The following HS3ST5 variants were observed in gnomAD, a reference collection of about 807,000 sequenced individuals.
HS3ST5 encodes heparan sulfate glucosamine 3-O-sulfotransferase 5.
HS3ST5 carries 10 observed loss-of-function variants against 25.4 expected under a neutral mutation model. The ratio of observed to expected loss-of-function variants is 0.39; its 90% confidence interval spans 0.24 to 0.67. HS3ST5 has a LOEUF of 0.67. Ranked by LOEUF, HS3ST5 falls within the 30% of genes least tolerant of loss-of-function variation. HS3ST5 has a pLI of 0.44. For missense variants in HS3ST5, 324 were observed against 420.7 expected (o/e 0.77, Z 2.01); for synonymous variants, 170 against 162.4 (o/e 1.05, Z -0.36).
At chr6:114,180,140 C>G (rs77925522) in intron 2 of HS3ST5, among the ~76,000 whole-genome samples, 111 of 152,212 alleles carry the variant, frequency 7.3e-4, no homozygotes, top group African/African-American at 2.6e-3. Flanking sequence ...TCTGGCAACA[C>G]CCAGAAACAC....
intron 1 of HS3ST5, among the ~76,000 whole-genome samples, chr6:114,273,034 G>A (rs990874889): frequency 1.5e-4 from 23 of 152,062 alleles, no homozygotes; most frequent in African/African-American, 5.1e-4. Context: ...GGAGTGACAC[G>A]ATTAAATTTA....
intron 3 of HS3ST5, among the ~76,000 whole-genome samples, chr6:114,068,579 G>A (rs544822777): frequency 4.6e-5 from 7 of 152,220 alleles, no homozygotes; most frequent in African/African-American, 1.4e-4. Flanking sequence ...TGATCCTTAC[G>A]GACAATGCTG....
chr6:114,066,484 T>C (rs1019839698), intron 3 of HS3ST5, among the ~76,000 whole-genome samples: 1 of 152,044 alleles, frequency 6.6e-6, no homozygotes, highest in African/African-American at 2.4e-5. Flanking sequence ...AATACAAAAA[T>C]TAGCCGGGCA....
intron 1 of HS3ST5, among the ~76,000 whole-genome samples, chr6:114,250,498 G>A (rs1007798609): frequency 1.3e-5 from 2 of 151,588 alleles, no homozygotes; most frequent in South Asian, 2.1e-4. Flanking sequence ...GGAGAATGGC[G>A]TGAACCTGGG....
intron 3 of HS3ST5, among the ~76,000 whole-genome samples, chr6:114,095,085 A>G (rs568121258): frequency 3.5e-4 from 54 of 152,336 alleles, no homozygotes; most frequent in African/African-American, 1.2e-3. Flanking sequence ...AGCCATGCCC[A>G]AACTCATGCC....
At chr6:114,273,889 C>G (rs1188573657) in intron 1 of HS3ST5, among the ~76,000 whole-genome samples, 1 of 151,766 alleles carries the variant, frequency 6.6e-6, no homozygotes, top group Non-Finnish European at 1.5e-5. Flanking sequence ...AAGTTCTACT[C>G]TAAAAGGCAA....
At chr6:114,130,715 G>A (rs1777286078) in intron 3 of HS3ST5, among the ~76,000 whole-genome samples, 2 of 152,016 alleles carry the variant, frequency 1.3e-5, no homozygotes, top group Admixed American at 1.3e-4. Flanking sequence ...GACTACAGGC[G>A]CCTGCCACCA....
chr6:114,307,425 C>G (rs1775343512), intron 1 of HS3ST5, among the ~76,000 whole-genome samples: 1 of 149,316 alleles, frequency 6.7e-6, no homozygotes, highest in African/African-American at 2.5e-5. Flanking sequence ...AGGATAAAAC[C>G]TAGTTTTTTT....
At chr6:114,202,424 A>ACCCCC in intron 2 of HS3ST5, among the ~76,000 whole-genome samples, 1 of 152,164 alleles carries the variant, frequency 6.6e-6, no homozygotes, top group Non-Finnish European at 1.5e-5. Flanking sequence ...CCTCTAAAAT[A>ACCCCC]TAAGTACCAT....
chr6:114,109,893 A>C (rs894066977), intron 3 of HS3ST5, among the ~76,000 whole-genome samples: 4 of 152,222 alleles, frequency 2.6e-5, no homozygotes, highest in Admixed American at 1.3e-4. Flanking sequence ...CTTTGCCTTC[A>C]TGGTGCTTAC....
At chr6:114,094,326 G>A (rs1444386037) in intron 3 of HS3ST5, among the ~76,000 whole-genome samples, 1 of 152,212 alleles carries the variant, frequency 6.6e-6, no homozygotes. Context: ...AAACTTCACA[G>A]TGGATAGGAA....
chr6:114,144,122 A>C (rs1778040057), intron 3 of HS3ST5, among the ~76,000 whole-genome samples: 1 of 152,166 alleles, frequency 6.6e-6, no homozygotes, highest in South Asian at 2.1e-4. Context: ...TGTGTTCACC[A>C]CTCTACTCTG....
chr6:114,085,633 G>T (rs903425932), intron 3 of HS3ST5, among the ~76,000 whole-genome samples: 1 of 152,140 alleles, frequency 6.6e-6, no homozygotes, highest in African/African-American at 2.4e-5. Context: ...GGAAGCCAAA[G>T]AATTCTAGGG....
intron 3 of HS3ST5, among the ~76,000 whole-genome samples, chr6:114,091,823 T>C (rs747283074): frequency 6.6e-6 from 1 of 152,220 alleles, no homozygotes; most frequent in African/African-American, 2.4e-5. Context: ...ATGATTTTTT[T>C]ATTTTTCTCA....
chr6:114,182,713 T>C (rs1284821911), intron 2 of HS3ST5, among the ~76,000 whole-genome samples: 2 of 152,206 alleles, frequency 1.3e-5, no homozygotes, highest in Non-Finnish European at 2.9e-5. Context: ...TCATTATTAT[T>C]AAACAGCACA....
intron 3 of HS3ST5, among the ~76,000 whole-genome samples, chr6:114,082,269 TATC>T (rs1350591788): frequency 1.3e-5 from 2 of 152,246 alleles, no homozygotes; most frequent in African/African-American, 2.4e-5. Flanking sequence ...ATTCTTGAAA[TATC>T]ATCCTAATGA....
chr6:114,203,698 A>G (rs1562236654), intron 2 of HS3ST5, among the ~76,000 whole-genome samples: 1 of 151,692 alleles, frequency 6.6e-6, no homozygotes, highest in Non-Finnish European at 1.5e-5. Context: ...CAGTTTAAAC[A>G]CTCTTCTGAT....
intron 3 of HS3ST5, among the ~76,000 whole-genome samples, chr6:114,106,358 G>A (rs959008036): frequency 1.3e-5 from 2 of 151,992 alleles, no homozygotes; most frequent in African/African-American, 4.8e-5. Context: ...ACAAAAGAAC[G>A]CTGTGTAGAG....
intron 3 of HS3ST5, among the ~76,000 whole-genome samples, chr6:114,110,878 T>C (rs1212109106): frequency 6.6e-6 from 1 of 152,184 alleles, no homozygotes; most frequent in Non-Finnish European, 1.5e-5. Context: ...TTTCTAACAA[T>C]TAAACAACCA....
Sources: allele counts gnomAD v4.1 joint callset (sites outside exome capture counted in the v4.1 genomes callset), GRCh38; gene constraint gnomAD v4.1.1; transcripts MANE v1.5; gene names NCBI Gene and HGNC (gene_info 2026-07-23, HGNC 2026-07-21).